CARF: variants seen among roughly 807,000 people sequenced by gnomAD.
CARF encodes calcium responsive transcription factor, also known as calcium-responsive transcription factor.
CARF carries 57 observed loss-of-function variants against 82.0 expected under a neutral mutation model. That is an observed-to-expected ratio of 0.70 (90% confidence interval 0.56 to 0.87). The LOEUF is 0.87. Among genes scored for constraint, CARF ranks in the 40% least tolerant of loss-of-function variants. The pLI is 0.00. For missense variants in CARF, 771 were observed against 855.8 expected, an observed-to-expected ratio of 0.90 and a Z score of 1.24; for synonymous variants, 268 against 290.1, an observed-to-expected ratio of 0.92 and a Z score of 0.77.
intron 3 of CARF, chr2:202,924,858 C>T (rs1176481059): frequency 5.1e-6 from 1 of 195,836 alleles, no homozygotes; most frequent in South Asian, 9.2e-5. Context: ...CCCAGAGCCT[C>T]CCGAGTCCCC....
intron 1 of CARF, among the ~76,000 whole-genome samples, chr2:202,916,015 C>T (rs968029748): frequency 6.6e-6 from 1 of 151,878 alleles, no homozygotes; most frequent in Non-Finnish European, 1.5e-5. Flanking sequence ...ATAAATTATC[C>T]TATTAAAATA....
Position 202,952,587 on chromosome 2 carries a change from G to T in CARF, c.335G>T (p.Gly112Val). The change falls in exon 6 of 17, where the codon GGA (glycine) becomes GTA (valine). Residue 112 changes from glycine to valine, a missense_variant. Physicochemically the swap from Gly to Val is moderately radical, Grantham distance 109 (BLOSUM62 -3). Coordinates refer to ENST00000438828, the MANE Select transcript of CARF (RefSeq NM_024744.17). ...MMIVASPTEN[G>V]QVLRVIPPTQ... ...ATCGTTGCCAGCCCAACAGAAAATG[G>T]ACAGGTACTTCGTGTAATTCCACCT... The T allele has an allele frequency of 6.2e-7, 1 of 1,613,582 alleles. No homozygotes were observed. The highest frequency in any genetic ancestry group is 8.5e-7 in the Non-Finnish European group (1 of 1,179,868).
chr2:202,969,605 ATAAATAAATAAATAAG>A (rs2059699546), intron 10 of CARF, among the ~76,000 whole-genome samples: 1 of 147,194 alleles, frequency 6.8e-6, no homozygotes, highest in African/African-American at 2.6e-5. Context: ...AAATAAATAA[ATAAATAAATAAATAAG>A]TAATCCAGGC....
chr2:202,966,907 G>A, intron 9 of CARF, 71 bp from the exon 10 acceptor site: 3 of 1,463,904 alleles, frequency 2.0e-6, no homozygotes, highest in East Asian at 4.7e-5. Context: ...CCACCACCAA[G>A]TTACTTTTAA....
chr2:202,918,087 A>G, intron 2 of CARF, 44 bp downstream of exon 2: 1 of 443,058 alleles, frequency 2.3e-6, no homozygotes, highest in Non-Finnish European at 4.5e-6. Context: ...TTATTTTAAA[A>G]AGTTAACTAT....
intron 5 of CARF, among the ~76,000 whole-genome samples, chr2:202,950,726 T>C (rs2105839345): frequency 6.6e-6 from 1 of 152,302 alleles, no homozygotes; most frequent in East Asian, 1.9e-4. Context: ...ATAAAATGTA[T>C]ATACTTGAGA....
intron 5 of CARF, among the ~76,000 whole-genome samples, chr2:202,943,657 T>G (rs923067690): frequency 2.4e-4 from 36 of 148,648 alleles, no homozygotes; most frequent in African/African-American, 3.4e-4. Context: ...GTTTTGTTTT[T>G]TTTTTTCTGA....
At chr2:202,915,542 T>G (rs1228794164) in intron 1 of CARF, among the ~76,000 whole-genome samples, 1 of 152,144 alleles carries the variant, frequency 6.6e-6, no homozygotes, top group East Asian at 1.9e-4. Flanking sequence ...CAATCTTGGC[T>G]CACTGCAACC....
At chr2:202,980,629 T>TATATATAC (rs1192169905) in intron 14 of CARF, among the ~76,000 whole-genome samples, 2 of 51,962 alleles carry the variant, frequency 3.8e-5, no homozygotes, top group African/African-American at 9.9e-5. Flanking sequence ...TATATATATA[T>TATATATAC]ATATATATAT....
Position 202,977,277 on chromosome 2 carries a change from G to A in CARF, c.1503G>A (p.Trp501Ter). 1 of 1,610,478 alleles carries A rather than the reference G, an allele frequency of 6.2e-7. No individual in the cohort carries two copies. The highest frequency in any genetic ancestry group is 8.5e-7 in the Non-Finnish European group (1 of 1,178,178). Residue 501 changes from tryptophan to a stop codon, truncating the protein, a stop_gained, in exon 14 of 17, where the codon TGG becomes TGA. Coordinates refer to ENST00000438828, the MANE Select transcript of CARF (RefSeq NM_024744.17). LOFTEE classifies it high-confidence loss of function. The part of the protein sequence containing the change: ...NSEIIPATLQ[W>*]TTDSGNILKE... ...AAATGTTCCCATTTCAGCTTCAATGGACTACAGACAGTGGGAATATTCTCA... is the reference window on the plus strand; with the variant it reads ...AAATGTTCCCATTTCAGCTTCAATGAACTACAGACAGTGGGAATATTCTCA...
At chr2:202,954,683 G>C (rs1268572597) in intron 7 of CARF, among the ~76,000 whole-genome samples, 1 of 149,160 alleles carries the variant, frequency 6.7e-6, no homozygotes, top group Non-Finnish European at 1.5e-5. Flanking sequence ...CTGCACTCCA[G>C]CCTGGGTGAC....
Position 202,970,600 on chromosome 2 carries a change from A to G in CARF, c.1097+538A>G, listed in dbSNP as rs1056914730. Among the ~76,000 whole-genome samples, 3 of 152,100 alleles carry G rather than the reference A, an allele frequency of 2.0e-5. No individual in the cohort carries two copies. In the East Asian group the frequency reaches 5.8e-4, roughly 29 times the overall value. On this transcript the variant is annotated intron_variant, in intron 11 of 16. Transcript: ENST00000438828. ...TGGGTGAATAATTTGTTATTGTATA[A>G]TGGATTTAAGTGTATGGAATATCGT...
At chr2:202,957,614 C>T (rs2059113364) in intron 8 of CARF, among the ~76,000 whole-genome samples, 1 of 152,094 alleles carries the variant, frequency 6.6e-6, no homozygotes, top group South Asian at 2.1e-4. Flanking sequence ...TAGCCTTTAT[C>T]TATTTCTCTC....
intron 9 of CARF, among the ~76,000 whole-genome samples, chr2:202,964,689 A>G (rs1367633941): frequency 6.6e-6 from 1 of 152,008 alleles, no homozygotes; most frequent in African/African-American, 2.4e-5. Flanking sequence ...CTAGGTATCT[A>G]TCTTCCAGCT....
At chr2:202,958,671 T>C (rs573488659) in intron 8 of CARF, among the ~76,000 whole-genome samples, 1 of 151,912 alleles carries the variant, frequency 6.6e-6, no homozygotes, top group African/African-American at 2.4e-5. Flanking sequence ...CTTTAGGAGG[T>C]TGAGGCGGGT....
chr2:202,982,441 A>G lies in CARF; in HGVS notation c.2059A>G (p.Ile687Val), dbSNP rs1378437150. The G allele has an allele frequency of 2.5e-6, 4 of 1,613,712 alleles. No homozygotes were observed. Among genetic ancestry groups the G allele is most frequent in the South Asian group, 2.2e-5 (2 of 90,940 alleles). ...GATTATAGACAACCACTCAGCTCTT[A>G]GTAAGTTGAAATCAATTTATGATGT... ...IQIIDNHSALIEENPESTISV... is the reference protein window; with the variant it reads ...IQIIDNHSALVEENPESTISV... The change falls in exon 16 of 17, where the codon ATT (isoleucine) becomes GTT (valine). Residue 687 changes from isoleucine to valine, a missense_variant and splice_region_variant. Ile to Val is a conservative substitution (Grantham distance 29). Coordinates refer to ENST00000438828, the MANE Select transcript of CARF (RefSeq NM_024744.17).
Position 202,982,339 on chromosome 2 carries a change from G to A in CARF, c.1957G>A (p.Asp653Asn), listed in dbSNP as rs570066365. 4.3e-6 allele frequency: 7 copies of A among 1,614,176 alleles called. No individual in the cohort carries two copies. In the East Asian group the frequency reaches 1.6e-4, roughly 36 times the overall value. The change falls in exon 16 of 17, where the codon GAT becomes AAT. Residue 653 changes from aspartate (D) to asparagine (N), a missense_variant. Coordinates refer to ENST00000438828, the MANE Select transcript of CARF (RefSeq NM_024744.17). ...AATGGACGAGCTGGTAGAAGTTGGA[G>A]ATGTTGAGGATACAGGGAATCTGGA... The part of the protein sequence containing the change: ...VAMDELVEVG[D>N]VEDTGNLEGT...
rs780560418 is a variant in CARF, at chr2:202,983,519, A to C, written c.2073A>C (p.Pro691=). The change falls in exon 17 of 17, where the codon CCA becomes CCC. Residue 691 remains proline, a synonymous_variant. Transcript: ENST00000438828. ...TTGTTTTTAAAGTTGAAGAAAATCC[A>C]GAAAGTACCATTTCTGTGAGCCAAG... ...DNHSALIEEN[P]ESTISVSQVK... 1.2e-5 allele frequency: 20 copies of C among 1,604,576 alleles called. No homozygotes were observed. Among genetic ancestry groups the C allele is most frequent in the Non-Finnish European group, 1.5e-5 (18 of 1,175,938 alleles).
chr2:202,953,516 T>TTTTTTTTTTTTC (rs2058869645), intron 6 of CARF, among the ~76,000 whole-genome samples: 1 of 148,608 alleles, frequency 6.7e-6, no homozygotes, highest in Admixed American at 6.8e-5. Flanking sequence ...TTTTTTTTTT[T>TTTTTTTTTTTTC]TGCTTTCCTC....
Sources: allele counts gnomAD v4.1 joint callset (sites outside exome capture counted in the v4.1 genomes callset), GRCh38; gene constraint gnomAD v4.1.1; transcripts MANE v1.5; gene names NCBI Gene and HGNC (gene_info 2026-07-23, HGNC 2026-07-21).